DTNB: variants seen among roughly 807,000 people sequenced by gnomAD.
DTNB encodes dystrobrevin beta.
DTNB carries 63 observed loss-of-function variants against 90.7 expected under a neutral mutation model. The ratio of observed to expected loss-of-function variants is 0.69; its 90% confidence interval spans 0.57 to 0.86. The LOEUF is 0.86. DTNB is among the 40% of genes least tolerant of loss of function. The pLI, the probability that DTNB is intolerant of heterozygous loss-of-function variation, is 0.00. For missense variants in DTNB, 744 were observed against 807.1 expected (o/e 0.92, Z 0.95); for synonymous variants, 277 against 286.7 (o/e 0.97, Z 0.34).
In DTNB at chr2:25,562,859, A is replaced by G. The variant is rs139806189; in HGVS notation, c.876+13979T>C. 3.3e-3 allele frequency among the ~76,000 whole-genome samples: 499 copies of G among 151,736 alleles called. 4 individuals are homozygous for G. The highest frequency in any genetic ancestry group is 0.012 in the African/African-American group (477 of 41,324). ...ACAATCTCAGCTCACTGCAACCTCC[A>G]CCTCCCAGGCTCAAGTGATCCTCCT... On this transcript the variant is annotated intron_variant, in intron 8 of 20. Transcript: ENST00000406818.
chr2:25,416,910 A>C (rs2149778108), intron 16 of DTNB, among the ~76,000 whole-genome samples: 1 of 152,228 alleles, frequency 6.6e-6, no homozygotes, highest in African/African-American at 2.4e-5. Context: ...TTGGCCTGTC[A>C]CTCAATAATG....
chr2:25,482,819 A>G lies in DTNB; in HGVS notation c.1056T>C (p.Ser352=). The part of the protein sequence containing the change: ...MNDTMVSHMS[S]GVPTPTKRLQ... ...ACCTCTTGGTGGGAGTGGGCACTCC[A>G]GAGGACATGTGGCTAACCATGGTGT... The change falls in exon 10 of 21, where the codon TCT becomes TCC. Residue 352 remains serine (S), a synonymous_variant. Transcript: ENST00000406818. 1 of 1,613,500 alleles carries G rather than the reference A, an allele frequency of 6.2e-7. No homozygotes were observed. The highest frequency in any genetic ancestry group is 8.5e-7 in the Non-Finnish European group (1 of 1,179,712).
chr2:25,607,349 T>G, intron 4 of DTNB, 28 bp from the exon 5 acceptor site: 1 of 1,562,276 alleles, frequency 6.4e-7, no homozygotes, highest in South Asian at 1.2e-5. Context: ...TTAGAAATAA[T>G]TGCTATCTGA....
chr2:25,593,069 C>T (rs771051744), intron 6 of DTNB, among the ~76,000 whole-genome samples: 9 of 152,012 alleles, frequency 5.9e-5, no homozygotes, highest in Non-Finnish European at 1.3e-4. Context: ...AGCCTCTTCA[C>T]TCAGCTGCAG....
In DTNB at chr2:25,413,142, TAAC is replaced by T. The variant is rs201951103; in HGVS notation, c.1575+6370_1575+6372del. Among the ~76,000 whole-genome samples, 1,107 of 152,336 alleles carry T rather than the reference TAAC, an allele frequency of 7.3e-3. 8 individuals are homozygous for T. The highest frequency in any genetic ancestry group is 0.026 in the East Asian group (135 of 5,192). ...TCAGTATATTTTCTTTAGCTAGAAA[TAAC>T]AACATTAATAATTAATAATAATACT... On this transcript the variant is annotated intron_variant, in intron 16 of 20. Transcript: ENST00000406818.
Position 25,440,572 on chromosome 2 carries a change from G to C in DTNB, c.1258-6577C>G, listed in dbSNP as rs1202876908. ...GAGCTCCAGAGGACCTACACTCAGT[G>C]AATGGGCTTGGTCCTACATCCAAAT... On this transcript the variant is annotated intron_variant, in intron 12 of 20. Coordinates refer to ENST00000406818, the MANE Select transcript of DTNB (RefSeq NM_021907.5). 4.6e-5 allele frequency among the ~76,000 whole-genome samples: 7 copies of C among 152,344 alleles called. No individual in the cohort carries two copies. The East Asian group carries it at 1.3e-3, about 29-fold the overall frequency.
chr2:25,447,499 C>CTTTTT (rs34508984), intron 12 of DTNB, among the ~76,000 whole-genome samples: 2 of 116,028 alleles, frequency 1.7e-5, no homozygotes, highest in Non-Finnish European at 3.5e-5. Context: ...AGCTAGTTAT[C>CTTTTT]TTTTTTTTTT....
chr2:25,668,063 C>T (rs894647542), intron 1 of DTNB, among the ~76,000 whole-genome samples: 7 of 152,070 alleles, frequency 4.6e-5, no homozygotes, highest in African/African-American at 1.4e-4. Flanking sequence ...CATGGTGAAA[C>T]CCCGTCTCTA....
At chr2:25,533,631 C>G (rs571081738) in intron 8 of DTNB, among the ~76,000 whole-genome samples, 2 of 152,354 alleles carry the variant, frequency 1.3e-5, no homozygotes, top group South Asian at 4.1e-4. Context: ...TCCTGCCTCT[C>G]TCTCTTTCTA....
intron 8 of DTNB, among the ~76,000 whole-genome samples, chr2:25,541,035 T>TAA (rs1234544712): frequency 1.1e-5 from 1 of 92,100 alleles, no homozygotes; most frequent in Non-Finnish European, 2.3e-5. Context: ...AATGATCAAT[T>TAA]AAAAAAAAAA....
In DTNB at chr2:25,413,422, C is replaced by G. The variant is rs1197173649; in HGVS notation, c.1575+6093G>C. 3.7e-5 allele frequency among the ~76,000 whole-genome samples: 5 copies of G among 134,836 alleles called. No homozygotes were observed. The East Asian group carries it at 1.3e-3, about 36-fold the overall frequency. The allele number at this position is 134,836 out of a possible 152,430, so 88.5% of individuals were successfully genotyped here. On this transcript the variant is annotated intron_variant, in intron 16 of 20. Transcript: ENST00000406818. ...TAATGCTATCCCTCCCCCCTCCCCC[C>G]ACCCCACGACAGGCCCCGGTGTGTG...
At chr2:25,427,224 C>CACACACACACACA (rs60780681) in intron 15 of DTNB, among the ~76,000 whole-genome samples, 2 of 148,490 alleles carry the variant, frequency 1.3e-5, no homozygotes, top group African/African-American at 4.9e-5. Flanking sequence ...CACACACACA[C>CACACACACACACA]TACTTTAAGT....
At chr2:25,508,815 T>C (rs1379437084) in intron 9 of DTNB, among the ~76,000 whole-genome samples, 1 of 152,226 alleles carries the variant, frequency 6.6e-6, no homozygotes, top group East Asian at 1.9e-4. Flanking sequence ...ATTATAGGCG[T>C]GAGCCACTGC....
At chr2:25,388,022 G>A (rs1016039752) in intron 17 of DTNB, among the ~76,000 whole-genome samples, 180 bp downstream of exon 17, 5 of 152,338 alleles carry the variant, frequency 3.3e-5, no homozygotes, top group South Asian at 2.1e-4. Flanking sequence ...CAGCCCTCCC[G>A]CTGGAGACCA....
chr2:25,612,288 C>T (rs1377646609), intron 4 of DTNB, among the ~76,000 whole-genome samples: 1 of 152,036 alleles, frequency 6.6e-6, no homozygotes, highest in Non-Finnish European at 1.5e-5. Flanking sequence ...AGAAGGTTAT[C>T]TAACAACTAT....
chr2:25,656,684 C>A (rs1311982941), intron 1 of DTNB, among the ~76,000 whole-genome samples: 2 of 152,218 alleles, frequency 1.3e-5, no homozygotes, highest in South Asian at 2.1e-4. Context: ...GAACTCTCCA[C>A]CCCTGTCTTC....
chr2:25,416,834 AAGG>A (rs2048096317), intron 16 of DTNB, among the ~76,000 whole-genome samples: 1 of 151,334 alleles, frequency 6.6e-6, no homozygotes, highest in African/African-American at 2.4e-5. Context: ...GGAAGGAAGG[AAGG>A]AAGGAAGGAA....
chr2:25,550,312 ACC>A (rs2083368969), intron 8 of DTNB, among the ~76,000 whole-genome samples: 1 of 152,040 alleles, frequency 6.6e-6, no homozygotes, highest in Admixed American at 6.6e-5. Context: ...AATGGCGTGA[ACC>A]CGGGAGGCGG....
chr2:25,456,718 G>A (rs1025138892), intron 10 of DTNB, among the ~76,000 whole-genome samples: 18 of 151,874 alleles, frequency 1.2e-4, no homozygotes, highest in Non-Finnish European at 1.8e-4. Context: ...GATTACAGGC[G>A]TGCACCACCA....
Sources: allele counts gnomAD v4.1 joint callset (sites outside exome capture counted in the v4.1 genomes callset), GRCh38; gene constraint gnomAD v4.1.1; transcripts MANE v1.5; gene names NCBI Gene and HGNC (gene_info 2026-07-23, HGNC 2026-07-21).